The following PXDNL variants were observed in gnomAD, a reference collection of about 807,000 sequenced individuals.
PXDNL encodes the protein probable oxidoreductase PXDNL.
PXDNL carries 145 observed loss-of-function variants against 150.8 expected under a neutral mutation model. That is an observed-to-expected ratio of 0.96 (90% CI 0.84 to 1.10). The LOEUF (loss-of-function observed/expected upper bound fraction) is 1.10, where lower values mean the gene tolerates loss of function less well. Ranked by LOEUF, PXDNL falls within the 50% of genes least tolerant of loss-of-function variation. The pLI is 0.00. For missense variants in PXDNL, 2,087 were observed against 1,873.9 expected, an observed-to-expected ratio of 1.11 and a Z score of -2.10; for synonymous variants, 757 against 725.7, an observed-to-expected ratio of 1.04 and a Z score of -0.69.
intron 4 of PXDNL, among the ~76,000 whole-genome samples, chr8:51,501,129 C>T (rs1165758331): frequency 1.3e-5 from 2 of 152,088 alleles, no homozygotes. Context: ...CATCCTGGCC[C>T]GTATCCCATG....
chr8:51,778,752 A>G (rs2037382092), intron 1 of PXDNL, among the ~76,000 whole-genome samples: 1 of 152,212 alleles, frequency 6.6e-6, no homozygotes, highest in Admixed American at 6.5e-5. Flanking sequence ...TCACTTTTAA[A>G]TGAAAGATAA....
rs182474830 is a variant in PXDNL, at chr8:51,717,479, G to A, written c.165-62719C>T. Among the ~76,000 whole-genome samples, 3 of 152,340 alleles carry A rather than the reference G, an allele frequency of 2.0e-5. No homozygotes were observed. In the East Asian group the frequency reaches 5.8e-4, roughly 29 times the overall value. On this transcript the variant is annotated intron_variant, in intron 1 of 22. Transcript: ENST00000356297. The stretch of plus-strand genomic sequence containing the variant: ...CAGATAAAAGGGGACACATCTGTCT[G>A]TTGCTGCCATCCCATCAGTCACAGG...
intron 4 of PXDNL, among the ~76,000 whole-genome samples, chr8:51,507,209 G>A (rs542697358): frequency 1.3e-5 from 2 of 152,224 alleles, no homozygotes; most frequent in South Asian, 2.1e-4. Flanking sequence ...TGGGATGCAA[G>A]GAATACCATG....
chr8:51,777,723 C>T (rs1383364818), intron 1 of PXDNL, among the ~76,000 whole-genome samples: 1 of 151,854 alleles, frequency 6.6e-6, no homozygotes, highest in African/African-American at 2.4e-5. Context: ...GCCAACATGG[C>T]GAAACCCTGT....
At chr8:51,542,870 C>T (rs115728593) in intron 4 of PXDNL, among the ~76,000 whole-genome samples, 2 of 151,102 alleles carry the variant, frequency 1.3e-5, no homozygotes, top group African/African-American at 2.4e-5. Context: ...GACAGATCAA[C>T]AAAGGCCAAA....
At chr8:51,491,686 G>T (rs541894849) in intron 5 of PXDNL, among the ~76,000 whole-genome samples, 1 of 152,206 alleles carries the variant, frequency 6.6e-6, no homozygotes, top group Non-Finnish European at 1.5e-5. Context: ...TTTCAGGGCT[G>T]CTGTTGGTGA....
chr8:51,352,592 T>G (rs1806386804), intron 19 of PXDNL, among the ~76,000 whole-genome samples: 1 of 152,180 alleles, frequency 6.6e-6, no homozygotes, highest in Non-Finnish European at 1.5e-5. Context: ...TCCCGCCACC[T>G]TCTGAAGAAG....
intron 19 of PXDNL, among the ~76,000 whole-genome samples, chr8:51,371,418 T>C (rs538079948): frequency 2.6e-5 from 4 of 152,192 alleles, no homozygotes; most frequent in Non-Finnish European, 5.9e-5. Context: ...TAGGGAAAGT[T>C]TTTCCTGACT....
intron 13 of PXDNL, 47 bp from the exon 14 acceptor site, chr8:51,423,778 A>G (rs776450097): frequency 6.5e-7 from 1 of 1,539,466 alleles, no homozygotes; most frequent in South Asian, 1.2e-5. Context: ...GGTTCCTTAA[A>G]AAATCATTTA....
intron 3 of PXDNL, among the ~76,000 whole-genome samples, chr8:51,572,334 C>T (rs1381630202): frequency 1.3e-5 from 2 of 151,684 alleles, no homozygotes; most frequent in Non-Finnish European, 2.9e-5. Context: ...ACAGATATAC[C>T]ACACTTAAGC....
intron 4 of PXDNL, among the ~76,000 whole-genome samples, chr8:51,544,037 G>A (rs912987300): frequency 2.0e-5 from 3 of 152,200 alleles, no homozygotes; most frequent in Non-Finnish European, 2.9e-5. Context: ...GTTCTGAAAA[G>A]TGGAGTGATT....
intron 21 of PXDNL, among the ~76,000 whole-genome samples, chr8:51,323,907 A>C (rs2130610655): frequency 6.8e-6 from 1 of 146,146 alleles, no homozygotes; most frequent in African/African-American, 2.7e-5. Context: ...CAAGAGCAAA[A>C]CTTCATCTCA....
chr8:51,471,692 G>GTT (rs1259282777), intron 8 of PXDNL, among the ~76,000 whole-genome samples: 4 of 142,274 alleles, frequency 2.8e-5, no homozygotes, highest in Non-Finnish European at 3.1e-5. Context: ...TTTTTTTTTG[G>GTT]TTTTTTTTTT....
rs957664543 is a variant in PXDNL, at chr8:51,613,222, G to GTA, written c.237-20526_237-20525dup. 4.6e-4 allele frequency among the ~76,000 whole-genome samples: 70 copies of GTA among 151,946 alleles called. 1 individual carries two copies. Among genetic ancestry groups the GTA allele is most frequent in the African/African-American group, 1.7e-3 (70 of 41,416 alleles). On this transcript the variant is annotated intron_variant, in intron 2 of 22. Transcript: ENST00000356297. ...TTCACCAAAAAAAATATATATATAT[G>GTA]TATATATATGGCCAGAGGGATGTGA...
intron 1 of PXDNL, among the ~76,000 whole-genome samples, chr8:51,739,561 C>T (rs1024943581): frequency 6.6e-5 from 10 of 152,112 alleles, no homozygotes; most frequent in Non-Finnish European, 8.8e-5. Context: ...CAGGTGATTT[C>T]AGCAAGATTG....
At chr8:51,502,785 G>A (rs1811214025) in intron 4 of PXDNL, among the ~76,000 whole-genome samples, 1 of 151,798 alleles carries the variant, frequency 6.6e-6, no homozygotes, top group Admixed American at 6.6e-5. Context: ...GATCAAATGT[G>A]CATCCTCCAT....
chr8:51,629,957 C>CA (rs969108099), intron 2 of PXDNL, among the ~76,000 whole-genome samples: 57 of 149,014 alleles, frequency 3.8e-4, no homozygotes, highest in East Asian at 2.2e-3. Context: ...AATATGGAAC[C>CA]AAAAAAAAAC....
At position 51,535,715 on chromosome 8, in the gene PXDNL, A is replaced by T. The variant is rs1424984295; in HGVS notation, c.380+21125T>A. ...CGAGAAACACCCAAGAATGATCAAT[A>T]AAAAAATAAATAAATAAATAAATAA... On this transcript the variant is annotated intron_variant, in intron 4 of 22. Coordinates refer to ENST00000356297, the MANE Select transcript of PXDNL (RefSeq NM_144651.5). Among the ~76,000 whole-genome samples the T allele has an allele frequency of 1.7e-3, 234 of 134,246 alleles. 5 individuals are homozygous for T. The highest frequency in any genetic ancestry group is 8.2e-3 in the African/African-American group (225 of 27,566). The allele number at this position is 134,246 out of a possible 152,430, so 88.1% of individuals were successfully genotyped here. A position where few individuals can be genotyped will look rare whatever the true frequency, so the allele number is the denominator to read the frequency against.
intron 1 of PXDNL, among the ~76,000 whole-genome samples, chr8:51,695,872 A>G (rs1269127005): frequency 1.3e-5 from 2 of 152,186 alleles, no homozygotes; most frequent in African/African-American, 2.4e-5. Context: ...TCCCTCGACT[A>G]TTACTGAGTA....
Sources: gnomAD v4.1 joint callset for allele counts (sites outside exome capture counted in the v4.1 genomes callset) on GRCh38, gnomAD v4.1.1 for gene constraint, MANE v1.5 for transcripts, NCBI Gene and HGNC (gene_info 2026-07-23, HGNC 2026-07-21) for gene names.